Variants in EFCAB5 observed in about 807,000 individuals in gnomAD.
EFCAB5 encodes the protein EF-hand calcium binding domain 5, also known as EF-hand calcium-binding domain-containing protein 5.
Under a neutral mutation model 167.9 loss-of-function variants are expected in EFCAB5, and 131 were observed. The ratio of observed to expected loss-of-function variants is 0.78; its 90% confidence interval spans 0.68 to 0.90. The LOEUF (loss-of-function observed/expected upper bound fraction) is 0.90, where lower values mean the gene tolerates loss of function less well. Among genes scored for constraint, EFCAB5 ranks in the 40% least tolerant of loss-of-function variants. The pLI, the probability that EFCAB5 is intolerant of heterozygous loss-of-function variation, is 0.00. For synonymous variants in EFCAB5, 574 were observed against 602.8 expected, an observed-to-expected ratio of 0.95 and a Z score of 0.70; for missense variants, 1,663 against 1,745.2, an observed-to-expected ratio of 0.95 and a Z score of 0.84.
chr17:29,937,340 C>A (rs1481406889), upstream of EFCAB5, among the ~76,000 whole-genome samples: 1 of 152,156 alleles, frequency 6.6e-6, no homozygotes, highest in Admixed American at 6.5e-5. Context: ...GCATGTGCCA[C>A]CACGCCCGGC....
chr17:29,975,398 G>GGT (rs1300474894), intron 4 of EFCAB5, among the ~76,000 whole-genome samples: 1 of 152,066 alleles, frequency 6.6e-6, no homozygotes, highest in African/African-American at 2.4e-5. Context: ...TGGGATTACA[G>GGT]GTGCGTACCA....
chr17:30,088,058 T>C (rs1203292806), intron 19 of EFCAB5, among the ~76,000 whole-genome samples: 1 of 152,252 alleles, frequency 6.6e-6, no homozygotes, highest in Non-Finnish European at 1.5e-5. Context: ...TTTATTCTGA[T>C]TGGCTTTTAA....
chr17:29,951,523 T>TG (rs202154038), intron 3 of EFCAB5, among the ~76,000 whole-genome samples: 5,635 of 150,010 alleles, frequency 0.038, 167 homozygotes, highest in African/African-American at 0.073. Context: ...ATTTTTTTTT[T>TG]TATTTTTTTT....
At chr17:30,037,540 C>T (rs1294694167) in intron 8 of EFCAB5, among the ~76,000 whole-genome samples, 1 of 152,154 alleles carries the variant, frequency 6.6e-6, no homozygotes, top group African/African-American at 2.4e-5. Context: ...ACACACAATT[C>T]ATGGAATCAC....
intron 3 of EFCAB5, among the ~76,000 whole-genome samples, chr17:29,966,590 G>A (rs182131797): frequency 2.1e-4 from 32 of 152,300 alleles, no homozygotes; most frequent in African/African-American, 7.2e-4. Flanking sequence ...GGTATATGGT[G>A]TCAACATGAT....
In EFCAB5 at chr17:29,993,284, G is replaced by A. The variant is rs74546291; in HGVS notation, c.887G>A (p.Trp296Ter). 821 of 1,613,692 alleles carry A rather than the reference G, an allele frequency of 5.1e-4. 5 individuals carry two copies. In the East Asian group the frequency reaches 0.013, roughly 25 times the overall value. Residue 296 changes from tryptophan to a stop codon, truncating the protein, a stop_gained, in exon 5 of 23, where the codon TGG (tryptophan) becomes TAG (stop). Transcript: ENST00000394835. LOFTEE classifies it high-confidence loss of function. ...KQALQEQFDE[W>*]ILDPKGMIPK... Reference sequence around the variant, plus strand: ...GCTCTGCAGGAGCAATTCGATGAATGGATTCTAGACCCTAAAGGAATGATT... The same window carrying A: ...GCTCTGCAGGAGCAATTCGATGAATAGATTCTAGACCCTAAAGGAATGATT...
intron 22 of EFCAB5, among the ~76,000 whole-genome samples, chr17:30,095,891 C>T (rs1311855132): frequency 6.6e-6 from 1 of 152,172 alleles, no homozygotes; most frequent in African/African-American, 2.4e-5. Flanking sequence ...TGTTGGCTCC[C>T]TCTTAAGGAA....
intron 17 of EFCAB5, among the ~76,000 whole-genome samples, chr17:30,082,390 C>CTTTTTTTT (rs71138871): frequency 8.1e-5 from 8 of 98,246 alleles, no homozygotes; most frequent in Admixed American, 1.3e-4. Context: ...CTTTATACCT[C>CTTTTTTTT]TTTTTTTTTT....
chr17:29,946,095 A>C (rs760212291), intron 3 of EFCAB5, among the ~76,000 whole-genome samples: 1 of 152,200 alleles, frequency 6.6e-6, no homozygotes, highest in Non-Finnish European at 1.5e-5. Context: ...CCAACAAAGA[A>C]CTAATATCCA....
In EFCAB5 at chr17:30,087,159, A is replaced by C. The variant is rs1397834031; in HGVS notation, c.3676A>C (p.Ile1226Leu). Residue 1226 changes from isoleucine to leucine, a missense_variant, in exon 19 of 23, where the codon ATC (isoleucine) becomes CTC (leucine). Transcript: ENST00000394835. ...NPPTIHRKSC[I>L]FRDFLFKCTD... is the part of the protein sequence containing the mutation. ...TCCTACCATCCACAGGAAGTCATGC[A>C]TCTTCAGGTTAGAGACATGTCTGTT... 1.9e-6 allele frequency: 3 copies of C among 1,613,538 alleles called. No individual in the cohort carries two copies.
chr17:30,080,439 G>A (rs1018230992), intron 16 of EFCAB5, among the ~76,000 whole-genome samples, 198 bp downstream of exon 16: 4 of 152,092 alleles, frequency 2.6e-5, no homozygotes, highest in African/African-American at 9.7e-5. Flanking sequence ...GTAATGATTC[G>A]CCACATGGGG....
intron 22 of EFCAB5, among the ~76,000 whole-genome samples, chr17:30,093,730 C>T (rs1351712916): frequency 6.6e-6 from 1 of 152,116 alleles, no homozygotes; most frequent in Non-Finnish European, 1.5e-5. Context: ...TAACGGAGCC[C>T]GACTCAGCCA....
At chr17:29,959,417 C>T (rs961152682) in intron 3 of EFCAB5, among the ~76,000 whole-genome samples, 3 of 151,770 alleles carry the variant, frequency 2.0e-5, no homozygotes, top group African/African-American at 2.4e-5. Context: ...GAGTCTTTTC[C>T]ATGACCACCA....
chr17:30,050,534 A>G (rs1341376119), intron 8 of EFCAB5, among the ~76,000 whole-genome samples: 1 of 152,152 alleles, frequency 6.6e-6, no homozygotes, highest in African/African-American at 2.4e-5. Flanking sequence ...AAATCAACAT[A>G]TCCTCTGGCC....
intron 7 of EFCAB5, among the ~76,000 whole-genome samples, chr17:30,025,100 T>A (rs1000383604): frequency 1.3e-5 from 2 of 152,016 alleles, no homozygotes; most frequent in African/African-American, 4.8e-5. Context: ...AACCTAGGCA[T>A]GACCATTCAG....
chr17:30,035,037 G>A (rs556686257), intron 8 of EFCAB5, among the ~76,000 whole-genome samples: 1 of 152,254 alleles, frequency 6.6e-6, no homozygotes, highest in East Asian at 1.9e-4. Context: ...GTAGGCAAAC[G>A]ATGCCACACT....
intron 9 of EFCAB5, among the ~76,000 whole-genome samples, chr17:30,051,606 G>C (rs765327465): frequency 5.9e-5 from 9 of 152,116 alleles, no homozygotes; most frequent in Non-Finnish European, 1.3e-4. Flanking sequence ...ACCCAGGCTG[G>C]AGTGCAGTGG....
At chr17:29,935,272 G>T in intron 1 of EFCAB5, among the ~76,000 whole-genome samples, 1 of 152,162 alleles carries the variant, frequency 6.6e-6, no homozygotes, top group Non-Finnish European at 1.5e-5. Flanking sequence ...AAGAACACCA[G>T]CTTGGGTGGG....
At chr17:30,055,324 GGA>G (rs780840758) in intron 10 of EFCAB5, among the ~76,000 whole-genome samples, 55 of 25,416 alleles carry the variant, frequency 2.2e-3, no homozygotes, top group South Asian at 6.3e-3. Context: ...GAGAGAGAGA[GGA>G]AGGAAGGAAG....
Sources: gnomAD v4.1 joint callset for allele counts (sites outside exome capture counted in the v4.1 genomes callset) on GRCh38, gnomAD v4.1.1 for gene constraint, MANE v1.5 for transcripts, NCBI Gene and HGNC (gene_info 2026-07-23, HGNC 2026-07-21) for gene names.